Variants in DNAH17 observed in about 807,000 individuals in gnomAD.
DNAH17 encodes axonemal beta dynein heavy chain 17.
DNAH17 carries 376 observed loss-of-function variants against 485.6 expected under a neutral mutation model. That is an observed-to-expected ratio of 0.77 (90% CI 0.71 to 0.84). The LOEUF (loss-of-function observed/expected upper bound fraction) is 0.84, where lower values mean the gene tolerates loss of function less well. Among genes scored for constraint, DNAH17 ranks in the 40% least tolerant of loss-of-function variants. The pLI is 0.00. For missense variants in DNAH17, 6,370 were observed against 5,839.3 expected (o/e 1.09, Z -2.96); for synonymous variants, 3,031 against 2,405.9 (o/e 1.26, Z -7.60).
intron 48 of DNAH17, 120 bp downstream of exon 48, chr17:78,484,748 A>ACCCCAATCCCCC: frequency 7.2e-6 from 1 of 138,458 alleles, no homozygotes; most frequent in South Asian, 7.8e-5. Flanking sequence ...CACCCCCCCC[A>ACCCCAATCCCCC]CCGCCCCACA....
At chr17:78,460,321 C>CGTGCATGTGTGTACATGTGT (rs2088041122) in intron 58 of DNAH17, 64 bp from the exon 59 acceptor site, 9 of 872,438 alleles carry the variant, frequency 1.0e-5, no homozygotes, top group Non-Finnish European at 1.8e-6. Context: ...GGGGCGTGTA[C>CGTGCATGTGTGTACATGTGT]GTGCATGTGT....
chr17:78,442,126 T>C (rs1438337391), intron 71 of DNAH17, among the ~76,000 whole-genome samples: 1 of 151,800 alleles, frequency 6.6e-6, no homozygotes, highest in Non-Finnish European at 1.5e-5. Context: ...AGCTGGTCTC[T>C]GAAAGGAGGA....
chr17:78,458,555 G>C lies in DNAH17; in HGVS notation c.9977+10C>G. 6.2e-7 allele frequency: 1 copy of C among 1,610,522 alleles called. No individual in the cohort carries two copies. Among genetic ancestry groups the C allele is most frequent in the Non-Finnish European group, 8.5e-7 (1 of 1,176,900 alleles). On this transcript the variant is annotated intron_variant, in intron 62 of 80. Transcript: ENST00000389840. ...AGAGCAGGAGGGTGGTCTCGGGGAGGAGCTGATACCTGTTCGCCAGTAAGA... is the reference window on the plus strand; with the variant it reads ...AGAGCAGGAGGGTGGTCTCGGGGAGCAGCTGATACCTGTTCGCCAGTAAGA...
At chr17:78,563,533 T>TA (rs1358639828) in intron 11 of DNAH17, among the ~76,000 whole-genome samples, 1 of 152,184 alleles carries the variant, frequency 6.6e-6, no homozygotes, top group African/African-American at 2.4e-5. Flanking sequence ...GACACACCTG[T>TA]AATCCCAACA....
At position 78,571,554 on chromosome 17, in the gene DNAH17, C is replaced by T. The variant is rs768329992; in HGVS notation, c.732+36G>A. ...GCTCGGCCCGGTCGCCCAGCTGGGA[C>T]GAGGCTGCAGCCCCACAGGAGAGAG... On this transcript the variant is annotated intron_variant, in intron 4 of 80. Transcript: ENST00000389840. 6.8e-5 allele frequency: 110 copies of T among 1,610,954 alleles called. 1 individual carries two copies. The Admixed American group carries it at 1.4e-3, about 20-fold the overall frequency.
Position 78,486,212 on chromosome 17 carries a change from C to T in DNAH17, c.7101+12G>A, listed in dbSNP as rs769635858. The T allele has an allele frequency of 6.3e-7, 1 of 1,587,056 alleles. No homozygotes were observed. Among genetic ancestry groups the T allele is most frequent in the East Asian group, 2.2e-5 (1 of 44,616 alleles). On this transcript the variant is annotated intron_variant, in intron 45 of 80. Transcript: ENST00000389840. ...ACCCTGTGTGGGTGGCCGGGCCCCC[C>T]AGGTGCATCACCTGGTCCTGGAACA... is the stretch of plus-strand genomic sequence containing the variant.
At chr17:78,429,874 ATCCT>A (rs1184132223) in intron 75 of DNAH17, among the ~76,000 whole-genome samples, 1 of 152,072 alleles carries the variant, frequency 6.6e-6, no homozygotes, top group Non-Finnish European at 1.5e-5. Flanking sequence ...CCTGGTTCTC[ATCCT>A]TCCAGTAGCT....
At position 78,574,885 on chromosome 17, in the gene DNAH17, G is replaced by A. The variant is rs373407805; in HGVS notation, c.173C>T (p.Ala58Val). ...DVQVLVLTLN[A>V]AGMIIPCLGF... ...CAGGCAGGGTATGATCATGCCGGCT[G>A]CATTGAGCGTCAGCACCAGCACCTG... The change falls in exon 2 of 81, where the codon GCA becomes GTA. Residue 58 changes from alanine to valine, a missense_variant. By Grantham distance (64) the Ala-to-Val change is moderately conservative. Coordinates refer to ENST00000389840, the MANE Select transcript of DNAH17 (RefSeq NM_173628.4). 8 of 1,614,038 alleles carry A rather than the reference G, an allele frequency of 5.0e-6. No homozygotes were observed. Among genetic ancestry groups the A allele is most frequent in the South Asian group, 3.3e-5 (3 of 91,092 alleles).
chr17:78,426,610 A>C lies in DNAH17; in HGVS notation c.12772-10T>G. ...TGATGGTCAGTTCTCCCTAGGAGAC[A>C]CACAGATGGGTGTGGGGAGCCCTGA... On this transcript the variant is annotated splice_polypyrimidine_tract_variant and intron_variant, in intron 78 of 80. Coordinates refer to ENST00000389840, the MANE Select transcript of DNAH17 (RefSeq NM_173628.4). 2 of 1,596,066 alleles carry C rather than the reference A, an allele frequency of 1.3e-6. No homozygotes were observed. The highest frequency in any genetic ancestry group is 1.7e-6 in the Non-Finnish European group (2 of 1,169,396).
intron 18 of DNAH17, among the ~76,000 whole-genome samples, chr17:78,538,600 C>G (rs2091440505): frequency 6.6e-6 from 1 of 152,178 alleles, no homozygotes. Context: ...TCTAAAGACT[C>G]AGGTCGGCTC....
intron 74 of DNAH17, among the ~76,000 whole-genome samples, chr17:78,435,049 A>G (rs1392990109): frequency 1.3e-5 from 2 of 152,272 alleles, no homozygotes; most frequent in East Asian, 1.9e-4. Flanking sequence ...CATGGACAAG[A>G]AGGGGAGCAG....
In DNAH17 at chr17:78,525,198, A is replaced by C. The variant is rs374972070; in HGVS notation, c.3712-37T>G. 32 of 1,599,822 alleles carry C rather than the reference A, an allele frequency of 2.0e-5. No individual in the cohort carries two copies. In the African/African-American group the frequency reaches 2.3e-4, roughly 11 times the overall value. On this transcript the variant is annotated intron_variant, in intron 24 of 80. Transcript: ENST00000389840. ...GAGGGGGCCGTCAGTAGGGCTACCT[A>C]CCCTCAGCGGTGCCCCACCCCACTC...
intron 75 of DNAH17, among the ~76,000 whole-genome samples, chr17:78,433,006 G>A (rs1170914485): frequency 6.9e-6 from 1 of 144,406 alleles, no homozygotes; most frequent in Non-Finnish European, 1.5e-5. Context: ...CAGCCCTCCT[G>A]GGCAGCTGAG....
In DNAH17 at chr17:78,491,549, C is replaced by T. The variant is rs763505389; in HGVS notation, c.6563G>A (p.Arg2188Gln). 29 of 1,613,892 alleles carry T rather than the reference C, an allele frequency of 1.8e-5. No homozygotes were observed. Among genetic ancestry groups the T allele is most frequent in the Non-Finnish European group, 2.3e-5 (27 of 1,179,954 alleles). ...WKDGLFSTIM[R>Q]DLANITHDGP... ...GTCATGGGTGATGTTGGCCAGGTCT[C>T]GCATGATGGTGGAGAACAGGCCTGG... is the stretch of plus-strand genomic sequence containing the variant. Residue 2188 changes from arginine to glutamine, a missense_variant, in exon 43 of 81, where the codon CGA becomes CAA. Transcript: ENST00000389840.
intron 3 of DNAH17, 92 bp downstream of exon 3, chr17:78,572,609 G>T: frequency 8.4e-7 from 1 of 1,196,694 alleles, no homozygotes; most frequent in Non-Finnish European, 1.1e-6. Flanking sequence ...GAAACAACGG[G>T]TCGGAGTGGG....
At chr17:78,481,284 T>C (rs1026995299) in intron 48 of DNAH17, among the ~76,000 whole-genome samples, 1 of 150,736 alleles carries the variant, frequency 6.6e-6, no homozygotes, top group African/African-American at 2.4e-5. Context: ...TTTGTACTTT[T>C]AGTAGAGACT....
chr17:78,453,850 A>G (rs918973536), intron 64 of DNAH17, among the ~76,000 whole-genome samples: 6 of 151,852 alleles, frequency 4.0e-5, no homozygotes, highest in African/African-American at 7.3e-5. Context: ...ACCACACCCA[A>G]CTAGGTTTTT....
At chr17:78,560,018 C>A (rs932775810) in intron 13 of DNAH17, among the ~76,000 whole-genome samples, 58 of 152,292 alleles carry the variant, frequency 3.8e-4, no homozygotes, top group African/African-American at 1.3e-3. Flanking sequence ...TCTTAACCTG[C>A]CCTTCCTGCT....
At chr17:78,495,506 C>T (rs1191465071) in intron 38 of DNAH17, among the ~76,000 whole-genome samples, 6 of 150,998 alleles carry the variant, frequency 4.0e-5, no homozygotes, top group Non-Finnish European at 7.4e-5. Context: ...GGTGCCATCC[C>T]GGCTCACTGC....
Sources: allele counts gnomAD v4.1 joint callset (sites outside exome capture counted in the v4.1 genomes callset), GRCh38; gene constraint gnomAD v4.1.1; transcripts MANE v1.5; gene names NCBI Gene and HGNC (gene_info 2026-07-23, HGNC 2026-07-21).